RPIA: variants seen among roughly 807,000 people sequenced by gnomAD.
The protein encoded by RPIA is ribose-5-phosphate isomerase.
RPIA carries 29 observed loss-of-function variants against 37.8 expected under a neutral mutation model. That is an observed-to-expected ratio of 0.77 (90% CI 0.57 to 1.05). RPIA has a LOEUF of 1.05. Ranked by LOEUF, RPIA falls within the 50% of genes least tolerant of loss-of-function variation. The pLI is 0.00. For missense variants in RPIA, 385 were observed against 413.6 expected (o/e 0.93, Z 0.60); for synonymous variants, 167 against 157.0 (o/e 1.06, Z -0.48).
intron 2 of RPIA, 21 bp downstream of exon 2, chr2:88,698,565 C>G (rs1672788112): frequency 6.2e-7 from 1 of 1,608,364 alleles, no homozygotes; most frequent in Non-Finnish European, 8.5e-7. Context: ...TCACTGTCTA[C>G]TGGATGTTTT....
At chr2:88,701,279 T>C (rs1174833969) in intron 3 of RPIA, among the ~76,000 whole-genome samples, 1 of 151,918 alleles carries the variant, frequency 6.6e-6, no homozygotes, top group Admixed American at 6.5e-5. Context: ...AATCCTGCTT[T>C]CTTGAGGCAA....
intron 3 of RPIA, among the ~76,000 whole-genome samples, chr2:88,701,714 T>A (rs939347229): frequency 5.6e-5 from 1 of 17,936 alleles, no homozygotes; most frequent in African/African-American, 2.3e-4. Flanking sequence ...CAGAGCAAAC[T>A]GGGAGCGTGT....
chr2:88,705,318 A>G (rs1319259163), intron 3 of RPIA, among the ~76,000 whole-genome samples: 3 of 152,244 alleles, frequency 2.0e-5, no homozygotes, highest in Admixed American at 1.3e-4. Flanking sequence ...TTCAAACTAT[A>G]GTAACCAAAA....
At chr2:88,732,638 T>A (rs1673258381) in intron 4 of RPIA, among the ~76,000 whole-genome samples, 1 of 7,418 alleles carries the variant, frequency 1.3e-4, no homozygotes, top group South Asian at 3.5e-3. Flanking sequence ...AGATGACACA[T>A]TAGTGGGTGC....
In RPIA at chr2:88,750,609, T is replaced by G. The variant is rs6974; in HGVS notation, c.*531T>G. 0.25 allele frequency: 101,765 copies of G among 405,504 alleles called. 13,719 individuals are homozygous for G. Among genetic ancestry groups the G allele is most frequent in the Middle Eastern group, 0.42 (664 of 1,592 alleles). 25.1% of individuals were successfully genotyped at this position (405,504 alleles called of 1,614,324 possible). A position where few individuals can be genotyped will look rare whatever the true frequency, so the allele number is the denominator to read the frequency against. On this transcript the variant is annotated 3_prime_UTR_variant, in exon 9 of 9. Transcript: ENST00000283646. ...ACCTAGTTACATCTTAAGATCAGGT[T>G]TATAAAACTGTGGAGTGGAGCGGTA...
chr2:88,749,841 T>C (rs1392727427), intron 8 of RPIA, 140 bp from the exon 9 acceptor site: 2 of 653,706 alleles, frequency 3.1e-6, no homozygotes, highest in Non-Finnish European at 2.8e-6. Context: ...TTTTCATTGC[T>C]CTGTGGGAGA....
intron 3 of RPIA, among the ~76,000 whole-genome samples, chr2:88,714,368 C>T (rs1194645389): frequency 6.6e-6 from 1 of 152,074 alleles, no homozygotes; most frequent in Non-Finnish European, 1.5e-5. Flanking sequence ...GACAGTGTTT[C>T]ACCATGTTGG....
At chr2:88,737,058 ACTTCTTTTCTCCCT>A (rs1280189835) in intron 7 of RPIA, among the ~76,000 whole-genome samples, 2 of 152,128 alleles carry the variant, frequency 1.3e-5, no homozygotes, top group African/African-American at 4.8e-5. Flanking sequence ...CCATGGTGTA[ACTTCTTTTCTCCCT>A]CTTCTTTCCT....
chr2:88,736,612 T>C lies in RPIA; in HGVS notation c.674T>C (p.Val225Ala). ...IEVIPMAYVP[V>A]SRAVSQKFGG... is the part of the protein sequence containing the mutation. Reference sequence around the variant, plus strand: ...GTCATCCCAATGGCCTATGTCCCAGTGAGCCGAGCTGTGAGCCAGAAGTTT... The same window carrying C: ...GTCATCCCAATGGCCTATGTCCCAGCGAGCCGAGCTGTGAGCCAGAAGTTT... Residue 225 changes from valine to alanine, a missense_variant, in exon 7 of 9, where the codon GTG becomes GCG. Val to Ala is a moderately conservative substitution (Grantham distance 64). Coordinates refer to ENST00000283646, the MANE Select transcript of RPIA (RefSeq NM_144563.3). 2.5e-6 allele frequency: 4 copies of C among 1,614,140 alleles called. No individual in the cohort carries two copies. The highest frequency in any genetic ancestry group is 3.4e-6 in the Non-Finnish European group (4 of 1,180,006).
chr2:88,694,232 C>T (rs1208717973), intron 1 of RPIA, among the ~76,000 whole-genome samples: 1 of 152,232 alleles, frequency 6.6e-6, no homozygotes, highest in Non-Finnish European at 1.5e-5. Context: ...CACTGATTTC[C>T]TGGGCCAGTC....
At chr2:88,734,835 A>G (rs1673296095) in intron 5 of RPIA, among the ~76,000 whole-genome samples, 1 of 152,138 alleles carries the variant, frequency 6.6e-6, no homozygotes, top group South Asian at 2.1e-4. Context: ...GAGATCATTC[A>G]TCGTAATGGA....
chr2:88,697,895 G>T (rs887871542), intron 1 of RPIA, among the ~76,000 whole-genome samples: 1 of 151,984 alleles, frequency 6.6e-6, no homozygotes, highest in Non-Finnish European at 1.5e-5. Flanking sequence ...CTAGATGGTG[G>T]GCCTGATGTG....
At chr2:88,737,335 C>A (rs993102099) in intron 7 of RPIA, among the ~76,000 whole-genome samples, 1 of 152,108 alleles carries the variant, frequency 6.6e-6, no homozygotes, top group Admixed American at 6.5e-5. Context: ...GTCACCCTAC[C>A]CTGATACATT....
chr2:88,710,838 A>C (rs1453271231), intron 3 of RPIA, among the ~76,000 whole-genome samples: 1 of 152,190 alleles, frequency 6.6e-6, no homozygotes, highest in African/African-American at 2.4e-5. Context: ...TTCAGGGTCA[A>C]AAATGTGTTG....
chr2:88,710,744 C>T (rs1672951725), intron 3 of RPIA, among the ~76,000 whole-genome samples: 1 of 152,166 alleles, frequency 6.6e-6, no homozygotes, highest in African/African-American at 2.4e-5. Context: ...GATGGTAACT[C>T]TCCTTCAATA....
At chr2:88,697,588 C>CT (rs1672767332) in intron 1 of RPIA, among the ~76,000 whole-genome samples, 2 of 152,234 alleles carry the variant, frequency 1.3e-5, no homozygotes, top group African/African-American at 4.8e-5. Flanking sequence ...GTTTGGTCTG[C>CT]TTGTAGGTAC....
chr2:88,694,312 G>A (rs577444897), intron 1 of RPIA, among the ~76,000 whole-genome samples: 1 of 152,180 alleles, frequency 6.6e-6, no homozygotes, highest in African/African-American at 2.4e-5. Context: ...TGCAATTCCT[G>A]GTCTCTTTCA....
intron 3 of RPIA, among the ~76,000 whole-genome samples, chr2:88,717,436 G>A (rs1028939930): frequency 6.6e-6 from 1 of 152,174 alleles, no homozygotes; most frequent in Non-Finnish European, 1.5e-5. Flanking sequence ...ACAACTCGAA[G>A]CAAAGGCGGG....
Position 88,691,835 on chromosome 2 carries a change from G to A in RPIA, c.137G>A (p.Arg46His). ...LPGSHVRLPG[R>H]AQSGTRGGAG... ...GGTTCCCACGTGCGGCTGCCGGGGC[G>A]TGCACAGTCTGGGACCCGTGGCGGT... The change falls in exon 1 of 9, where the codon CGT becomes CAT. Residue 46 changes from arginine (R) to histidine (H), a missense_variant. Coordinates refer to ENST00000283646, the MANE Select transcript of RPIA (RefSeq NM_144563.3). 1.3e-6 allele frequency: 2 copies of A among 1,599,198 alleles called. No individual in the cohort carries two copies. Among genetic ancestry groups the A allele is most frequent in the Non-Finnish European group, 1.7e-6 (2 of 1,174,500 alleles).
Sources: allele counts gnomAD v4.1 joint callset (sites outside exome capture counted in the v4.1 genomes callset), GRCh38; gene constraint gnomAD v4.1.1; transcripts MANE v1.5; gene names NCBI Gene and HGNC (gene_info 2026-07-23, HGNC 2026-07-21).